The following CACNB2 variants were observed in gnomAD, a reference collection of about 807,000 sequenced individuals.
CACNB2 encodes calcium voltage-gated channel auxiliary subunit beta 2.
Under a neutral mutation model 73.3 loss-of-function variants are expected in CACNB2, and 42 were observed. The observed-to-expected ratio is 0.57, with a 90% CI of 0.45 to 0.74. The LOEUF (loss-of-function observed/expected upper bound fraction) is 0.74, where lower values mean the gene tolerates loss of function less well. Among genes scored for constraint, CACNB2 ranks in the 30% least tolerant of loss-of-function variants. The pLI is 0.00. For missense variants in CACNB2, 940 were observed against 853.0 expected, an observed-to-expected ratio of 1.10 and a Z score of -1.27; for synonymous variants, 348 against 310.3, an observed-to-expected ratio of 1.12 and a Z score of -1.28.
intron 3 of CACNB2, among the ~76,000 whole-genome samples, chr10:18,491,321 C>A (rs2049409616): frequency 1.3e-5 from 2 of 152,206 alleles, no homozygotes; most frequent in South Asian, 4.1e-4. Flanking sequence ...TGGTGGCTCA[C>A]ACCTATAATC....
intron 3 of CACNB2, among the ~76,000 whole-genome samples, chr10:18,426,612 G>A (rs1419726198): frequency 1.3e-5 from 2 of 152,158 alleles, no homozygotes; most frequent in Non-Finnish European, 2.9e-5. Flanking sequence ...GGCCAAGGTA[G>A]GAGGATCACC....
rs144002696 is a variant in CACNB2 at position 18,161,230 on chromosome 10, C to T, written c.213+10255C>T. Reference sequence around the variant, plus strand: ...CATTGCCTTGGCCATCTGTGTTATCCTTCCAAAACTGTCATCAGGTTCTAG... The same window carrying T: ...CATTGCCTTGGCCATCTGTGTTATCTTTCCAAAACTGTCATCAGGTTCTAG... On this transcript the variant is annotated intron_variant, in intron 2 of 13. Coordinates refer to ENST00000324631, the MANE Select transcript of CACNB2 (RefSeq NM_201596.3). Among the ~76,000 whole-genome samples, 168 of 152,330 alleles carry T rather than the reference C, an allele frequency of 1.1e-3. 3 individuals carry two copies. The highest frequency in any genetic ancestry group is 3.9e-3 in the African/African-American group (164 of 41,582).
intron 2 of CACNB2, among the ~76,000 whole-genome samples, chr10:18,193,507 A>G (rs2034497224): frequency 1.3e-5 from 2 of 152,188 alleles, no homozygotes; most frequent in Admixed American, 6.5e-5. Context: ...GCTAGCTATT[A>G]GAAAAGAAAT....
At position 18,498,458 on chromosome 10, in the gene CACNB2, A is replaced by AT; in HGVS notation, c.441dup (p.Leu148SerfsTer4). The AT allele has an allele frequency of 6.2e-7, 1 of 1,614,068 alleles. No homozygotes were observed. Among genetic ancestry groups the AT allele is most frequent in the Non-Finnish European group, 8.5e-7 (1 of 1,179,962 alleles). ...ATGGCCATCTCATTCGAAGCAAAAGATTTTCTGCATGTTAAGGAAGTAAGG... is the reference window on the plus strand; with the variant it reads ...ATGGCCATCTCATTCGAAGCAAAAGATTTTTCTGCATGTTAAGGAAGTAAGG... On this transcript the variant is annotated frameshift_variant, in exon 4 of 14. Transcript: ENST00000324631. LOFTEE classifies it high-confidence loss of function.
chr10:18,337,185 A>T (rs964433014), intron 2 of CACNB2, among the ~76,000 whole-genome samples: 3 of 151,270 alleles, frequency 2.0e-5, no homozygotes. Flanking sequence ...ACTGGTGTGT[A>T]GTAGCGTAAT....
At chr10:18,508,119 A>C (rs2050588441) in intron 6 of CACNB2, among the ~76,000 whole-genome samples, 1 of 152,114 alleles carries the variant, frequency 6.6e-6, no homozygotes, top group Non-Finnish European at 1.5e-5. Flanking sequence ...TTGCAATTCA[A>C]ACCATTGTTC....
chr10:18,528,795 G>C (rs1457515025), intron 10 of CACNB2, among the ~76,000 whole-genome samples: 2 of 152,142 alleles, frequency 1.3e-5, no homozygotes, highest in East Asian at 1.9e-4. Context: ...ATCTGTCACA[G>C]TTAAAACTCT....
In CACNB2 at chr10:18,356,435, T is replaced by C. The variant is rs540501466; in HGVS notation, c.214-45489T>C. Among the ~76,000 whole-genome samples the C allele has an allele frequency of 8.5e-5, 13 of 152,296 alleles. 1 individual carries two copies. The South Asian group carries it at 2.7e-3, about 32-fold the overall frequency. On this transcript the variant is annotated intron_variant, in intron 2 of 13. Coordinates refer to ENST00000324631, the MANE Select transcript of CACNB2 (RefSeq NM_201596.3). The stretch of plus-strand genomic sequence containing the variant: ...GGATTATTATTATTGTTGTTGTTAT[T>C]ATTTTAAACCTGGAATATTCCTCCC...
At chr10:18,486,918 G>T (rs934688548) in intron 3 of CACNB2, among the ~76,000 whole-genome samples, 1 of 152,188 alleles carries the variant, frequency 6.6e-6, no homozygotes, top group Non-Finnish European at 1.5e-5. Flanking sequence ...ATGAGTTTAA[G>T]AGCGGAGGTT....
intron 3 of CACNB2, among the ~76,000 whole-genome samples, chr10:18,439,400 G>T (rs2046306629): frequency 6.6e-6 from 1 of 152,108 alleles, no homozygotes; most frequent in Admixed American, 6.5e-5. Flanking sequence ...TTTGAGTCCT[G>T]GTTTTAGGTA....
intron 2 of CACNB2, among the ~76,000 whole-genome samples, chr10:18,214,645 A>C (rs1313536269): frequency 4.7e-5 from 1 of 21,376 alleles, no homozygotes; most frequent in African/African-American, 6.8e-5. Context: ...AAAAAAAAAA[A>C]AAAAAAAAAA....
intron 2 of CACNB2, among the ~76,000 whole-genome samples, chr10:18,355,487 C>T (rs776156337): frequency 2.0e-4 from 30 of 151,314 alleles, no homozygotes; most frequent in African/African-American, 6.3e-4. Flanking sequence ...CAAATGATTA[C>T]GACACTTGAA....
At chr10:18,357,892 A>T (rs1411951298) in intron 2 of CACNB2, among the ~76,000 whole-genome samples, 6 of 152,104 alleles carry the variant, frequency 3.9e-5, no homozygotes, top group Non-Finnish European at 8.8e-5. Context: ...CCTTTTGGGG[A>T]CCCATTAGTT....
chr10:18,506,806 A>ATTTT, intron 6 of CACNB2, among the ~76,000 whole-genome samples: 1 of 152,088 alleles, frequency 6.6e-6, no homozygotes, highest in East Asian at 1.9e-4. Context: ...TTATTTATTT[A>ATTTT]TTTATTTTTT....
At chr10:18,151,017 T>C (rs749782075) in intron 2 of CACNB2, 42 bp downstream of exon 2, 3 of 1,213,210 alleles carry the variant, frequency 2.5e-6, no homozygotes, top group South Asian at 2.4e-5. Flanking sequence ...TACCTTAAAA[T>C]GACTTTAGAT....
Position 18,540,382 on chromosome 10 carries a change from A to G in CACNB2, c.*658A>G, listed in dbSNP as rs1031046268. On this transcript the variant is annotated 3_prime_UTR_variant, in exon 14 of 14. Transcript: ENST00000324631. Reference sequence around the variant, plus strand: ...CACACTATTTTAGAGTCTTAATGCCAAGTCAGCAGATTTGCTTTATGAATT... The same window carrying G: ...CACACTATTTTAGAGTCTTAATGCCGAGTCAGCAGATTTGCTTTATGAATT... 7 of 152,370 alleles carry G rather than the reference A, an allele frequency of 4.6e-5. No individual in the cohort carries two copies. The highest frequency in any genetic ancestry group is 1.0e-4 in the Non-Finnish European group (7 of 67,990). The allele number at this position is 152,370 out of a possible 1,614,324, so 9.4% of individuals were successfully genotyped here. A position where few individuals can be genotyped will look rare whatever the true frequency, so the allele number is the denominator to read the frequency against.
At chr10:18,211,709 C>A (rs1263581058) in intron 2 of CACNB2, among the ~76,000 whole-genome samples, 2 of 152,226 alleles carry the variant, frequency 1.3e-5, no homozygotes, top group East Asian at 1.9e-4. Flanking sequence ...GCTGCTCACA[C>A]CTCTCTTGCT....
intron 3 of CACNB2, among the ~76,000 whole-genome samples, chr10:18,494,683 A>G (rs1466957454): frequency 6.6e-6 from 1 of 150,914 alleles, no homozygotes; most frequent in African/African-American, 2.5e-5. Flanking sequence ...GATGTGAAAG[A>G]CCATGCTACA....
chr10:18,222,869 G>A (rs747711764), intron 2 of CACNB2, among the ~76,000 whole-genome samples: 7 of 152,146 alleles, frequency 4.6e-5, no homozygotes, highest in Admixed American at 6.5e-5. Context: ...CCCAGGAGGC[G>A]GAGGTTGCAG....
Sources: gnomAD v4.1 joint callset for allele counts (sites outside exome capture counted in the v4.1 genomes callset) on GRCh38, gnomAD v4.1.1 for gene constraint, MANE v1.5 for transcripts, NCBI Gene and HGNC (gene_info 2026-07-23, HGNC 2026-07-21) for gene names.